Variants in SORBS2 observed in about 807,000 individuals in gnomAD.
SORBS2 encodes sorbin and SH3 domain containing 2, also known as sorbin and SH3 domain-containing protein 2.
In SORBS2, 46 loss-of-function variants were observed where a neutral mutation model predicts 97.7. The observed-to-expected ratio is 0.47, with a 90% CI of 0.37 to 0.60. The LOEUF (loss-of-function observed/expected upper bound fraction) is 0.60. Among genes scored for constraint, SORBS2 ranks in the 20% least tolerant of loss-of-function variants. The pLI is 0.00. For synonymous variants in SORBS2, 476 were observed against 473.4 expected (o/e 1.01, Z -0.07); for missense variants, 1,316 against 1,282.3 (o/e 1.03, Z -0.40).
chr4:185,743,921 T>G (rs1229631697), intron 2 of SORBS2, among the ~76,000 whole-genome samples: 1 of 148,392 alleles, frequency 6.7e-6, no homozygotes, highest in Non-Finnish European at 1.5e-5. Flanking sequence ...TCTTCTATTT[T>G]CTTTCCTCCT....
chr4:185,736,751 G>A (rs1167662203), intron 2 of SORBS2, among the ~76,000 whole-genome samples: 3 of 152,124 alleles, frequency 2.0e-5, no homozygotes, highest in Non-Finnish European at 2.9e-5. Context: ...AGGTTCACAC[G>A]TCTGTGTGTG....
chr4:185,808,159 G>A (rs2099164588), intron 1 of SORBS2, among the ~76,000 whole-genome samples: 1 of 152,014 alleles, frequency 6.6e-6, no homozygotes, highest in Non-Finnish European at 1.5e-5. Flanking sequence ...AGCTTTAAAG[G>A]ACAGCATGAT....
In SORBS2 at chr4:185,623,157, T is replaced by G. The variant is rs141097429; in HGVS notation, c.1972A>C (p.Asn658His). ...CTGATGAGGCGGTGCAGGATGCTGT[T>G]GTCCGGCAAGCTCCCCCTTTTCTTT... The change falls in exon 7 of 15, where the codon AAC becomes CAC. Residue 658 changes from asparagine to histidine, a missense_variant. Physicochemically the swap from Asn to His is moderately conservative, Grantham distance 68. Transcript: ENST00000418609. This position sits in a 1 kb window ranked among gnomAD's most constrained non-coding sequence, Gnocchi z 6.4. The G allele has an allele frequency of 6.2e-7, 1 of 1,614,134 alleles. No homozygotes were observed. Among genetic ancestry groups the G allele is most frequent in the Non-Finnish European group, 8.5e-7 (1 of 1,180,012 alleles).
At chr4:185,845,017 CTTTT>C (rs57089831) in intron 1 of SORBS2, among the ~76,000 whole-genome samples, 1 of 140,330 alleles carries the variant, frequency 7.1e-6, no homozygotes, top group Non-Finnish European at 1.6e-5. Flanking sequence ...GATGAAAATG[CTTTT>C]TTTTTTTTTT....
At chr4:185,817,112 C>T (rs1002284669) in intron 1 of SORBS2, among the ~76,000 whole-genome samples, 1 of 151,996 alleles carries the variant, frequency 6.6e-6, no homozygotes, top group African/African-American at 2.4e-5. Flanking sequence ...TTGCAAATGA[C>T]TATGATTGCA....
At chr4:185,875,508 T>A (rs1480813199) in intron 1 of SORBS2, among the ~76,000 whole-genome samples, 1 of 152,254 alleles carries the variant, frequency 6.6e-6, no homozygotes, top group African/African-American at 2.4e-5. Context: ...AGGAAGTATG[T>A]TTGTTGAAGC....
intron 4 of SORBS2, among the ~76,000 whole-genome samples, chr4:185,672,157 A>G (rs931598050): frequency 6.6e-6 from 1 of 152,154 alleles, no homozygotes; most frequent in East Asian, 1.9e-4. Context: ...ATTATCCCAC[A>G]CTGCTGACAT....
intron 2 of SORBS2, among the ~76,000 whole-genome samples, chr4:185,755,648 C>A (rs1460065405): frequency 6.6e-6 from 1 of 152,166 alleles, no homozygotes; most frequent in Non-Finnish European, 1.5e-5. Context: ...CTTGAAAACT[C>A]ATTTGACTAT....
At chr4:185,774,543 G>A (rs2098990383) in intron 2 of SORBS2, 1 of 152,140 alleles carries the variant, frequency 6.6e-6, no homozygotes, top group Admixed American at 6.5e-5. Context: ...GTAACGAGGG[G>A]GAGAGGGGAG....
chr4:185,847,309 G>C (rs1350978259), intron 1 of SORBS2, among the ~76,000 whole-genome samples: 1 of 152,154 alleles, frequency 6.6e-6, no homozygotes, highest in Non-Finnish European at 1.5e-5. Context: ...CTTTCTTTGG[G>C]ATTGGAGAAA....
At chr4:185,887,085 G>T (rs534851807) in intron 1 of SORBS2, among the ~76,000 whole-genome samples, 28 of 152,224 alleles carry the variant, frequency 1.8e-4, no homozygotes, top group Non-Finnish European at 3.7e-4. Flanking sequence ...AGCCTGGGCA[G>T]CTGTCTGCGG....
At chr4:185,899,975 G>A (rs2099246866) in intron 1 of SORBS2, among the ~76,000 whole-genome samples, 2 of 151,542 alleles carry the variant, frequency 1.3e-5, no homozygotes, top group African/African-American at 4.9e-5. Context: ...GGAGACAGCT[G>A]CACATGGTGG....
chr4:185,592,237 T>C (rs2095962797), intron 13 of SORBS2, among the ~76,000 whole-genome samples: 1 of 152,242 alleles, frequency 6.6e-6, no homozygotes, highest in Non-Finnish European at 1.5e-5. Flanking sequence ...ATGTTCCTAC[T>C]TTGGCTCAAA....
chr4:185,917,781 G>A (rs1220831567), intron 1 of SORBS2, among the ~76,000 whole-genome samples: 1 of 152,040 alleles, frequency 6.6e-6, no homozygotes, highest in Non-Finnish European at 1.5e-5. Context: ...CTGAACTGGG[G>A]GACACCCTAC....
chr4:185,842,930 T>TAAAAA lies in SORBS2; in HGVS notation c.-337-67569_-337-67565dup, dbSNP rs56193107. Among the ~76,000 whole-genome samples the TAAAAA allele has an allele frequency of 2.3e-3, 279 of 122,280 alleles. 1 individual carries two copies. The highest frequency in any genetic ancestry group is 9.1e-3 in the South Asian group (31 of 3,390). The allele number at this position is 122,280 out of a possible 152,430, so 80.2% of individuals were successfully genotyped here. Reference sequence around the variant, plus strand: ...AGCCTGGCGACAGAGAAAGACTGTCTAAAAAAAAAAAAAAAAAAATTAAAT... The same window carrying TAAAAA: ...AGCCTGGCGACAGAGAAAGACTGTCTAAAAAAAAAAAAAAAAAAAAAAAATTAAAT... On this transcript the variant is annotated intron_variant, in intron 1 of 20. Transcript: ENST00000284776.
intron 1 of SORBS2, among the ~76,000 whole-genome samples, chr4:185,869,747 G>A (rs1335825309): frequency 6.6e-6 from 1 of 152,200 alleles, no homozygotes; most frequent in Non-Finnish European, 1.5e-5. Flanking sequence ...CACCAGGCAG[G>A]GAGCAAAGTC....
intron 1 of SORBS2, among the ~76,000 whole-genome samples, chr4:185,868,159 C>CTTTCTTT (rs59057506): frequency 9.5e-6 from 1 of 105,218 alleles, no homozygotes; most frequent in African/African-American, 3.9e-5. Flanking sequence ...TTTTTTCTTT[C>CTTTCTTT]TTTTTTTTTT....
chr4:185,868,147 C>CTTTCTTTTTTT (rs1288748201), intron 1 of SORBS2, among the ~76,000 whole-genome samples: 10 of 89,758 alleles, frequency 1.1e-4, no homozygotes, highest in South Asian at 3.2e-4. Context: ...CTTTTCTTTT[C>CTTTCTTTTTTT]TTTTTTTCTT....
intron 1 of SORBS2, among the ~76,000 whole-genome samples, chr4:185,937,764 G>C (rs2099269658): frequency 6.6e-6 from 1 of 152,200 alleles, no homozygotes; most frequent in South Asian, 2.1e-4. Flanking sequence ...GATGTGAAGA[G>C]GGATGCTGCC....
Sources: allele counts gnomAD v4.1 joint callset (sites outside exome capture counted in the v4.1 genomes callset), GRCh38; gene constraint gnomAD v4.1.1; non-coding constraint Gnocchi (gnomAD v3.1); transcripts MANE v1.5; gene names NCBI Gene and HGNC (gene_info 2026-07-23, HGNC 2026-07-21).